The following ZNF536 variants were observed in gnomAD, a reference collection of about 807,000 sequenced individuals.
ZNF536 encodes the protein zinc finger protein 536.
A neutral mutation model predicts 84.5 loss-of-function variants in ZNF536; 13 were observed. The ratio of observed to expected loss-of-function variants is 0.15; its 90% CI spans 0.10 to 0.24. ZNF536 has a LOEUF of 0.24. Among genes scored for constraint, ZNF536 ranks in the 10% least tolerant of loss-of-function variants. ZNF536 has a pLI of 1.00. For missense variants in ZNF536, 1,536 were observed against 1,747.5 expected (o/e 0.88, Z 2.16); for synonymous variants, 811 against 742.5 (o/e 1.09, Z -1.50).
At chr19:30,528,361 C>T (rs1386316782) in intron 2 of ZNF536, among the ~76,000 whole-genome samples, 3 of 152,206 alleles carry the variant, frequency 2.0e-5, no homozygotes, top group Admixed American at 1.3e-4. Flanking sequence ...TTTCCTTTCT[C>T]TTTGTCCTCT....
chr19:30,385,330 C>T (rs1052169042), intron 1 of ZNF536, among the ~76,000 whole-genome samples: 5 of 152,084 alleles, frequency 3.3e-5, no homozygotes, highest in Non-Finnish European at 4.4e-5. Context: ...GTGGCTGAAG[C>T]GGGACCAGGG....
chr19:30,246,965 C>A (rs185735618), intron 1 of ZNF536, among the ~76,000 whole-genome samples: 14 of 152,264 alleles, frequency 9.2e-5, no homozygotes, highest in East Asian at 3.9e-4. Flanking sequence ...AATCCCTTGG[C>A]GTTGTGATTC....
At chr19:30,456,796 C>T (rs995091159) in intron 2 of ZNF536, among the ~76,000 whole-genome samples, 1 of 152,084 alleles carries the variant, frequency 6.6e-6, no homozygotes, top group Non-Finnish European at 1.5e-5. Flanking sequence ...AATCCCAGCA[C>T]TTTGGGAAGC....
intron 1 of ZNF536, among the ~76,000 whole-genome samples, chr19:30,247,805 C>T (rs1050618131): frequency 1.4e-4 from 22 of 152,146 alleles, no homozygotes; most frequent in African/African-American, 4.6e-4. Context: ...CTCCAGTCTG[C>T]GTGACAGAGT....
chr19:30,590,864 A>G (rs1268978045), intron 1 of ZNF536, among the ~76,000 whole-genome samples: 2 of 152,248 alleles, frequency 1.3e-5, no homozygotes, highest in East Asian at 3.8e-4. Flanking sequence ...GTTGAAGGGA[A>G]GGCCAGTCCT....
chr19:30,694,647 T>C (rs1213840650), intron 1 of ZNF536, among the ~76,000 whole-genome samples: 1 of 152,112 alleles, frequency 6.6e-6, no homozygotes, highest in African/African-American at 2.4e-5. Context: ...GAAATATTTT[T>C]TTAAATGTAA....
At chr19:30,648,171 C>T (rs1202130080) in intron 1 of ZNF536, among the ~76,000 whole-genome samples, 1 of 152,132 alleles carries the variant, frequency 6.6e-6, no homozygotes, top group Non-Finnish European at 1.5e-5. Flanking sequence ...GCAGAAGGTG[C>T]ACACCCACGG....
intron 2 of ZNF536, among the ~76,000 whole-genome samples, chr19:30,457,534 C>A (rs1382074447): frequency 6.6e-6 from 1 of 152,228 alleles, no homozygotes; most frequent in Non-Finnish European, 1.5e-5. Flanking sequence ...TTGCACCCTA[C>A]ACACCACATA....
intron 4 of ZNF536, among the ~76,000 whole-genome samples, chr19:30,550,785 T>C (rs1407248861): frequency 6.6e-6 from 1 of 152,186 alleles, no homozygotes; most frequent in Non-Finnish European, 1.5e-5. Context: ...CCTAATTCAC[T>C]AGGAACTGAA....
chr19:30,556,059 T>A (rs1200185778), intron 4 of ZNF536: 1 of 152,256 alleles, frequency 6.6e-6, no homozygotes, highest in Non-Finnish European at 1.5e-5. Context: ...GATTCTCACA[T>A]GGATTGGCCT....
In ZNF536 at chr19:30,445,841, T is replaced by C. The variant is rs1013258519; in HGVS notation, c.2170+109T>C. The C allele has an allele frequency of 2.8e-6, 4 of 1,416,128 alleles. No individual in the cohort carries two copies. In the African/African-American group the frequency reaches 4.3e-5, roughly 15 times the overall value. The allele number at this position is 1,416,128 out of a possible 1,614,324, so 87.7% of individuals were successfully genotyped here. ...CAGTTCCAAGGCCAGTGGGTCTTGATTGAGGACAGGGGTGGGTTGGACACT... is the reference window on the plus strand; with the variant it reads ...CAGTTCCAAGGCCAGTGGGTCTTGACTGAGGACAGGGGTGGGTTGGACACT... On this transcript the variant is annotated intron_variant, in intron 2 of 4. Transcript: ENST00000355537. The surrounding 1 kb of genome is among the most constrained non-coding windows in gnomAD (Gnocchi z 4.5).
chr19:30,392,130 G>A (rs574231735), intron 1 of ZNF536, among the ~76,000 whole-genome samples: 19 of 152,094 alleles, frequency 1.2e-4, no homozygotes, highest in African/African-American at 4.3e-4. Flanking sequence ...AAGGGAGTGA[G>A]TGTCTCCTCT....
At chr19:30,289,238 C>T (rs1309951591) in intron 2 of ZNF536, among the ~76,000 whole-genome samples, 1 of 152,180 alleles carries the variant, frequency 6.6e-6, no homozygotes, top group African/African-American at 2.4e-5. Context: ...GACTGTTTTC[C>T]ACCATGGCCC....
At chr19:30,531,758 G>A (rs1022771405) in intron 2 of ZNF536, among the ~76,000 whole-genome samples, 1 of 152,014 alleles carries the variant, frequency 6.6e-6, no homozygotes, top group Admixed American at 6.6e-5. Context: ...CCCGGTAGCT[G>A]GGACTACAGG....
intron 1 of ZNF536, among the ~76,000 whole-genome samples, chr19:30,672,736 GA>G (rs1272282681): frequency 6.6e-6 from 1 of 152,190 alleles, no homozygotes; most frequent in Non-Finnish European, 1.5e-5. Flanking sequence ...CATACCCTAA[GA>G]TAAGGATTTA....
intron 1 of ZNF536, among the ~76,000 whole-genome samples, chr19:30,269,994 C>T (rs141044245): frequency 1.7e-4 from 26 of 152,232 alleles, no homozygotes; most frequent in African/African-American, 6.0e-4. Flanking sequence ...CTAACTCATC[C>T]AATCAGAACT....
chr19:30,363,500 C>T (rs1489826270), intron 3 of ZNF536, among the ~76,000 whole-genome samples: 2 of 152,010 alleles, frequency 1.3e-5, no homozygotes, highest in Non-Finnish European at 2.9e-5. Context: ...CAGAGCCTGG[C>T]TACTCTACCC....
intron 1 of ZNF536, among the ~76,000 whole-genome samples, chr19:30,586,402 A>G (rs1295168787): frequency 1.3e-5 from 2 of 152,210 alleles, no homozygotes; most frequent in African/African-American, 4.8e-5. Flanking sequence ...CCTAAGGTCA[A>G]CCTTCTGGAG....
At chr19:30,630,747 G>A (rs2048858886) in intron 1 of ZNF536, among the ~76,000 whole-genome samples, 1 of 152,192 alleles carries the variant, frequency 6.6e-6, no homozygotes, top group African/African-American at 2.4e-5. Flanking sequence ...ACTGGGCCAA[G>A]GTCAGCAGAA....
Sources: gnomAD v4.1 joint callset for allele counts (sites outside exome capture counted in the v4.1 genomes callset) on GRCh38, gnomAD v4.1.1 for gene constraint, Gnocchi (gnomAD v3.1) non-coding constraint, MANE v1.5 for transcripts, NCBI Gene and HGNC (gene_info 2026-07-23, HGNC 2026-07-21) for gene names.